The following PLCH1 variants were observed in gnomAD, a reference collection of about 807,000 sequenced individuals.
PLCH1 encodes 1-phosphatidylinositol 4,5-bisphosphate phosphodiesterase eta-1.
PLCH1 carries 60 observed loss-of-function variants against 126.7 expected under a neutral mutation model. The observed-to-expected ratio is 0.47, with a 90% CI of 0.38 to 0.59. The LOEUF (loss-of-function observed/expected upper bound fraction) is 0.59, where lower values mean the gene tolerates loss of function less well. PLCH1 is among the 20% of genes least tolerant of loss of function. The probability of loss-of-function intolerance (pLI) is 0.00; values close to 1 mark genes in which losing one functional copy is unlikely to be tolerated. For synonymous variants in PLCH1, 719 were observed against 734.9 expected (o/e 0.98, Z 0.35); for missense variants, 1,723 against 2,040.0 (o/e 0.84, Z 2.99).
chr3:155,495,184 C>T (rs144859976), intron 15 of PLCH1, among the ~76,000 whole-genome samples: 15 of 152,122 alleles, frequency 9.9e-5, no homozygotes, highest in Admixed American at 1.3e-4. Flanking sequence ...CACCTAGCCA[C>T]GCATATAAAC....
At chr3:155,683,866 C>T (rs1380260397) in intron 2 of PLCH1, among the ~76,000 whole-genome samples, 2 of 152,180 alleles carry the variant, frequency 1.3e-5, no homozygotes, top group African/African-American at 2.4e-5. Flanking sequence ...TGAACAGAAG[C>T]CCCTTTACCT....
chr3:155,662,298 A>C (rs1237536780), intron 2 of PLCH1, among the ~76,000 whole-genome samples: 2 of 152,020 alleles, frequency 1.3e-5, no homozygotes, highest in Non-Finnish European at 2.9e-5. Context: ...ACACACACAA[A>C]AAAAATATTT....
intron 8 of PLCH1, among the ~76,000 whole-genome samples, chr3:155,563,378 T>C (rs1244354689): frequency 6.6e-6 from 1 of 152,182 alleles, no homozygotes; most frequent in African/African-American, 2.4e-5. Context: ...ACTGGACTCA[T>C]TTAGACTCTT....
rs34436223 is a variant in PLCH1 at position 155,723,953 on chromosome 3, CAAAAAA to C, written c.-40-19695_-40-19690del. Among the ~76,000 whole-genome samples, 299 of 80,054 alleles carry C rather than the reference CAAAAAA, an allele frequency of 3.7e-3. 2 individuals are homozygous for C. Among genetic ancestry groups the C allele is most frequent in the South Asian group, 0.028 (67 of 2,368 alleles). The allele number at this position is 80,054 out of a possible 152,430, so 52.5% of individuals were successfully genotyped here. A position where few individuals can be genotyped will look rare whatever the true frequency, so the allele number is the denominator to read the frequency against. ...TGGGTGACAGAGCTAAACTCCATCT[CAAAAAA>C]AAAAAAAAAAAAAAAATTCCATCTT... is the stretch of plus-strand genomic sequence containing the variant. On this transcript the variant is annotated intron_variant, in intron 1 of 22. Coordinates refer to ENST00000460012, the MANE Select transcript of PLCH1 (RefSeq NM_014996.4).
intron 1 of PLCH1, among the ~76,000 whole-genome samples, chr3:155,706,172 CAAAA>C (rs34725442): frequency 2.0e-3 from 125 of 61,610 alleles, no homozygotes; most frequent in African/African-American, 6.8e-3. Flanking sequence ...GACTCTATCT[CAAAA>C]AAAAAAAAAA....
At chr3:155,543,650 T>G (rs1399406193) in intron 10 of PLCH1, among the ~76,000 whole-genome samples, 3 of 151,692 alleles carry the variant, frequency 2.0e-5, no homozygotes, top group African/African-American at 2.4e-5. Flanking sequence ...AAGGTCGGGT[T>G]ACCCACAAAG....
chr3:155,601,956 T>C (rs1036647968), intron 2 of PLCH1, among the ~76,000 whole-genome samples: 1 of 152,170 alleles, frequency 6.6e-6, no homozygotes. Flanking sequence ...ATGCAGTCTT[T>C]TGTGCTTGGC....
downstream of PLCH1, among the ~76,000 whole-genome samples, chr3:155,477,674 T>C (rs1466231709): frequency 6.6e-6 from 1 of 152,086 alleles, no homozygotes; most frequent in Non-Finnish European, 1.5e-5. Context: ...ATCAGAGAAA[T>C]GCAAATCAAA....
At chr3:155,629,220 G>A (rs1257359250) in intron 2 of PLCH1, among the ~76,000 whole-genome samples, 1 of 152,184 alleles carries the variant, frequency 6.6e-6, no homozygotes, top group Non-Finnish European at 1.5e-5. Flanking sequence ...AGAAAATGCA[G>A]CGGCTCAAAG....
intron 21 of PLCH1, among the ~76,000 whole-genome samples, chr3:155,470,615 A>C (rs916615184): frequency 3.2e-4 from 48 of 152,278 alleles, no homozygotes; most frequent in Non-Finnish European, 6.5e-4. Context: ...ACTCCAAGAC[A>C]CATAATTGTC....
At chr3:155,616,493 G>C (rs993960267) in intron 2 of PLCH1, among the ~76,000 whole-genome samples, 1 of 152,144 alleles carries the variant, frequency 6.6e-6, no homozygotes. Flanking sequence ...GCATTGATCT[G>C]CTCTTTAACA....
intron 10 of PLCH1, among the ~76,000 whole-genome samples, chr3:155,527,911 C>A (rs1476576710): frequency 1.4e-5 from 2 of 144,578 alleles, no homozygotes; most frequent in African/African-American, 5.2e-5. Context: ...CAGAGTGACA[C>A]TCCGTTTCAA....
At position 155,590,701 on chromosome 3, in the gene PLCH1, G is replaced by A. The variant is rs564944622; in HGVS notation, c.470+3240C>T. Among the ~76,000 whole-genome samples, 6 of 152,294 alleles carry A rather than the reference G, an allele frequency of 3.9e-5. 1 individual carries two copies. The South Asian group carries it at 1.2e-3, about 32-fold the overall frequency. The stretch of plus-strand genomic sequence containing the variant: ...GGAGGCGGAGCTTGCAGTGAGCCAA[G>A]ATCACACCACTGCACTCCAGCCTGG... On this transcript the variant is annotated intron_variant, in intron 4 of 22. Transcript: ENST00000460012.
At chr3:155,695,460 TA>T (rs1179675491) in intron 2 of PLCH1, among the ~76,000 whole-genome samples, 33 of 152,170 alleles carry the variant, frequency 2.2e-4, no homozygotes. Flanking sequence ...GCACAAAGAT[TA>T]AAAATCAAAC....
At chr3:155,683,077 G>T (rs781392722) in intron 2 of PLCH1, among the ~76,000 whole-genome samples, 11 of 152,160 alleles carry the variant, frequency 7.2e-5, no homozygotes, top group Non-Finnish European at 1.5e-4. Context: ...AACCTGACAT[G>T]CATCAGTGGA....
chr3:155,492,764 TG>T lies in PLCH1; in HGVS notation c.2271del (p.Lys758AsnfsTer27). On this transcript the variant is annotated frameshift_variant, in exon 18 of 23. Coordinates refer to ENST00000460012, the MANE Select transcript of PLCH1 (RefSeq NM_014996.4). LOFTEE classifies it high-confidence loss of function. Reference sequence around the variant, plus strand: ...TCTCCAAACATGGAGTCTGGAGGTTTGGGGAGTTGCTGTCCACTGATAACTT... The same window carrying T: ...TCTCCAAACATGGAGTCTGGAGGTTTGGGAGTTGCTGTCCACTGATAACTT... ...ILKVISGQQL[P>X]KPPDSMFGDR... 1 of 1,605,940 alleles carries T rather than the reference TG, an allele frequency of 6.2e-7. No homozygotes were observed. The highest frequency in any genetic ancestry group is 8.5e-7 in the Non-Finnish European group (1 of 1,176,618).
chr3:155,504,773 T>C, intron 12 of PLCH1, 147 bp from the exon 13 acceptor site: 1 of 611,278 alleles, frequency 1.6e-6, no homozygotes, highest in Non-Finnish European at 2.9e-6. Flanking sequence ...TTCCTCCTGC[T>C]CCACACTCCA....
At chr3:155,743,035 T>C (rs955174223) in intron 1 of PLCH1, 1 of 270,652 alleles carries the variant, frequency 3.7e-6, no homozygotes, top group African/African-American at 2.4e-5. Flanking sequence ...TTATGTTAAT[T>C]CTAACCAATG....
chr3:155,477,782 T>C (rs992045071), downstream of PLCH1, among the ~76,000 whole-genome samples: 7 of 152,078 alleles, frequency 4.6e-5, no homozygotes, highest in African/African-American at 7.2e-5. Flanking sequence ...AAGGGAACCA[T>C]TGTACACTGT....
Sources: gnomAD v4.1 joint callset for allele counts (sites outside exome capture counted in the v4.1 genomes callset) on GRCh38, gnomAD v4.1.1 for gene constraint, MANE v1.5 for transcripts, NCBI Gene and HGNC (gene_info 2026-07-23, HGNC 2026-07-21) for gene names.